Variants in KYNU observed in about 807,000 individuals in gnomAD.
KYNU encodes the protein L-kynurenine hydrolase.
A neutral mutation model predicts 59.2 loss-of-function variants in KYNU; 54 were observed. That is an observed-to-expected ratio of 0.91 (90% confidence interval 0.73 to 1.14). The LOEUF is 1.14. KYNU is among the 50% of genes most tolerant of loss of function. The pLI, the probability that KYNU is intolerant of heterozygous loss-of-function variation, is 0.00. For missense variants in KYNU, 567 were observed against 554.4 expected, an observed-to-expected ratio of 1.02 and a Z score of -0.23; for synonymous variants, 177 against 192.0, an observed-to-expected ratio of 0.92 and a Z score of 0.65.
At chr2:142,905,249 A>G (rs915351422) in intron 2 of KYNU, among the ~76,000 whole-genome samples, 2 of 152,182 alleles carry the variant, frequency 1.3e-5, no homozygotes, top group African/African-American at 4.8e-5. Context: ...TTTTCCTACG[A>G]GGAGAGCAAG....
intron 4 of KYNU, among the ~76,000 whole-genome samples, chr2:142,929,214 C>G (rs193269): frequency 6.6e-6 from 1 of 151,046 alleles, no homozygotes; most frequent in Admixed American, 6.6e-5. Context: ...ACTCTTTTTT[C>G]TAAAACCTCA....
chr2:143,000,894 A>G (rs1454512385), intron 10 of KYNU, among the ~76,000 whole-genome samples: 1 of 152,036 alleles, frequency 6.6e-6, no homozygotes, highest in East Asian at 1.9e-4. Flanking sequence ...ATCAGCATTC[A>G]CCCTCTTCTC....
intron 9 of KYNU, 100 bp from the exon 10 acceptor site, chr2:142,985,848 C>G (rs889996813): frequency 5.2e-6 from 4 of 776,620 alleles, no homozygotes; most frequent in Non-Finnish European, 9.0e-6. Flanking sequence ...TTGAACTGAT[C>G]AAATGTTGTG....
At chr2:142,929,795 A>C (rs1157568230) in intron 4 of KYNU, among the ~76,000 whole-genome samples, 2 of 152,150 alleles carry the variant, frequency 1.3e-5, no homozygotes, top group Admixed American at 6.5e-5. Context: ...CTGGAGGAAG[A>C]TAAGGGGTGA....
chr2:142,913,226 A>T (rs1682557815), intron 2 of KYNU, among the ~76,000 whole-genome samples: 1 of 152,068 alleles, frequency 6.6e-6, no homozygotes, highest in Admixed American at 6.6e-5. Flanking sequence ...TATTTATTCT[A>T]CTAGCATTGG....
intron 8 of KYNU, among the ~76,000 whole-genome samples, chr2:142,972,813 TAGAGAGAGAGAG>T (rs66473877): frequency 8.1e-6 from 1 of 124,202 alleles, no homozygotes; most frequent in South Asian, 2.8e-4. Context: ...TATATATATA[TAGAGAGAGAGAG>T]AGAGAGAGAG....
chr2:143,039,077 C>CACAA (rs1179126559), intron 12 of KYNU, among the ~76,000 whole-genome samples: 23 of 152,134 alleles, frequency 1.5e-4, no homozygotes, highest in African/African-American at 5.6e-4. Flanking sequence ...GCCCTTGTCA[C>CACAA]TCATCTTAAT....
chr2:142,975,239 GAGA>G (rs546189495), intron 8 of KYNU, among the ~76,000 whole-genome samples: 71 of 152,136 alleles, frequency 4.7e-4, no homozygotes, highest in Admixed American at 1.7e-3. Context: ...CAGAAAAGGA[GAGA>G]AGAAGCATCT....
chr2:143,013,180 A>G (rs888431940), intron 10 of KYNU, among the ~76,000 whole-genome samples: 3 of 152,262 alleles, frequency 2.0e-5, no homozygotes, highest in Non-Finnish European at 2.9e-5. Flanking sequence ...TTTACTTAGC[A>G]TAAGGTACTC....
At chr2:142,906,127 T>G (rs1240574195) in intron 2 of KYNU, among the ~76,000 whole-genome samples, 1 of 152,080 alleles carries the variant, frequency 6.6e-6, no homozygotes, top group Non-Finnish European at 1.5e-5. Flanking sequence ...TCTCTGTCTC[T>G]GTAGATGGAT....
intron 4 of KYNU, among the ~76,000 whole-genome samples, chr2:142,929,889 A>T (rs892964505): frequency 6.6e-6 from 1 of 152,172 alleles, no homozygotes; most frequent in Non-Finnish European, 1.5e-5. Context: ...TTTCCCATTC[A>T]TACCTGTAAA....
rs759051000 is a variant in KYNU at position 142,960,778 on chromosome 2, C to T, written c.729+8C>T. ...AAAGCTGGACAAGCGAAGGTATGCA[C>T]GCCATTTACTTCTTCCCACCTTACT... On this transcript the variant is annotated splice_region_variant and intron_variant, in intron 8 of 13. Coordinates refer to ENST00000264170, the MANE Select transcript of KYNU (RefSeq NM_003937.3). 24 of 1,613,522 alleles carry T rather than the reference C, an allele frequency of 1.5e-5. No homozygotes were observed. Among genetic ancestry groups the T allele is most frequent in the South Asian group, 4.4e-5 (4 of 91,080 alleles).
intron 10 of KYNU, among the ~76,000 whole-genome samples, chr2:143,019,378 C>T (rs535997117): frequency 6.6e-6 from 1 of 151,984 alleles, no homozygotes; most frequent in African/African-American, 2.4e-5. Context: ...CTTTTCAGCA[C>T]GTATTGAAAT....
intron 4 of KYNU, among the ~76,000 whole-genome samples, chr2:142,928,932 T>C (rs1301088603): frequency 3.0e-5 from 4 of 133,062 alleles, no homozygotes; most frequent in African/African-American, 1.1e-4. Flanking sequence ...AGCTTGAGCC[T>C]GGGAGGTTGA....
At chr2:142,897,755 A>T (rs1274724001) in intron 2 of KYNU, among the ~76,000 whole-genome samples, 2 of 152,232 alleles carry the variant, frequency 1.3e-5, no homozygotes, top group Middle Eastern at 3.2e-3. Context: ...TAATATGTTA[A>T]CATTTTAACC....
At chr2:143,026,738 T>TGTCCGCAGTCCGCA (rs138438909) in intron 10 of KYNU, among the ~76,000 whole-genome samples, 2 of 87,734 alleles carry the variant, frequency 2.3e-5, no homozygotes, top group Non-Finnish European at 4.2e-5. Context: ...TTAGCTCTGC[T>TGTCCGCAGTCCGCA]GTCCGCAGTC....
intron 10 of KYNU, 52 bp from the exon 11 acceptor site, chr2:143,029,575 G>A: frequency 1.8e-6 from 2 of 1,138,978 alleles, no homozygotes; most frequent in Non-Finnish European, 2.7e-6. Flanking sequence ...AGCAGAGCAA[G>A]ACTCCATCCA....
intron 8 of KYNU, among the ~76,000 whole-genome samples, chr2:142,970,872 ATGTCCTAC>A (rs1232898865): frequency 1.3e-5 from 2 of 152,230 alleles, no homozygotes; most frequent in African/African-American, 4.8e-5. Flanking sequence ...CCCTGTCTCA[ATGTCCTAC>A]TTTGTGCCTC....
At chr2:142,879,577 T>A (rs1681220273) in intron 1 of KYNU, 1 of 151,128 alleles carries the variant, frequency 6.6e-6, no homozygotes, top group African/African-American at 2.4e-5. Context: ...AAGTGAGAGG[T>A]TCAAGGCTTC....
Sources: gnomAD v4.1 joint callset for allele counts (sites outside exome capture counted in the v4.1 genomes callset) on GRCh38, gnomAD v4.1.1 for gene constraint, MANE v1.5 for transcripts, NCBI Gene and HGNC (gene_info 2026-07-23, HGNC 2026-07-21) for gene names.